The following CTC1 variants were observed in gnomAD, a reference collection of about 807,000 sequenced individuals.
CTC1 encodes CST complex subunit CTC1.
CTC1 carries 91 observed loss-of-function variants against 136.3 expected under a neutral mutation model. That is an observed-to-expected ratio of 0.67 (90% confidence interval 0.56 to 0.79). The LOEUF (loss-of-function observed/expected upper bound fraction) is 0.79. Ranked by LOEUF, CTC1 falls within the 30% of genes least tolerant of loss-of-function variation. The pLI, the probability that CTC1 is intolerant of heterozygous loss-of-function variation, is 0.00. For synonymous variants in CTC1, 606 were observed against 613.8 expected (o/e 0.99, Z 0.19); for missense variants, 1,432 against 1,498.1 (o/e 0.96, Z 0.73).
intron 2 of CTC1, among the ~76,000 whole-genome samples, chr17:8,240,725 C>G (rs1988145827): frequency 6.7e-6 from 1 of 148,668 alleles, no homozygotes; most frequent in Non-Finnish European, 1.5e-5. Context: ...ACCAAAAATA[C>G]AAAAGTAGCC....
Position 8,232,034 on chromosome 17 carries a change from C to T in CTC1, c.2254G>A (p.Ala752Thr), listed in dbSNP as rs767322639. Residue 752 changes from alanine to threonine, a missense_variant, in exon 13 of 23, where the codon GCA becomes ACA. By Grantham distance (58) the Ala-to-Thr change is moderately conservative. Coordinates refer to ENST00000651323, the MANE Select transcript of CTC1 (RefSeq NM_025099.6). ...GCGGGCTTGGGCACCTCTGGACTTGCTCCTGGGGGGACACAAAAATTACGC... is the reference window on the plus strand; with the variant it reads ...GCGGGCTTGGGCACCTCTGGACTTGTTCCTGGGGGGACACAAAAATTACGC... ...MKRNFCVPPG[A>T]SPEVPKPALS... is the part of the protein sequence containing the mutation. 3 of 1,578,902 alleles carry T rather than the reference C, an allele frequency of 1.9e-6. No homozygotes were observed. Among genetic ancestry groups the T allele is most frequent in the Non-Finnish European group, 2.6e-6 (3 of 1,167,676 alleles).
At chr17:8,246,120 C>T (rs1054066549) in intron 1 of CTC1, among the ~76,000 whole-genome samples, 2 of 148,226 alleles carry the variant, frequency 1.3e-5, no homozygotes, top group South Asian at 4.4e-4. Context: ...GTGGGAGGAT[C>T]GCTTGAGCCC....
At position 8,226,604 on chromosome 17, in the gene CTC1, A is replaced by G. The variant is rs530934469; in HGVS notation, c.*1576T>C. On this transcript the variant is annotated 3_prime_UTR_variant, in exon 23 of 23. Coordinates refer to ENST00000651323, the MANE Select transcript of CTC1 (RefSeq NM_025099.6). ...TATGGTCAGTATGCTGAAGAAAAAA[A>G]TATGACGTAGTCGGCAGGATTCGAA... The G allele has an allele frequency of 6.6e-6, 1 of 152,220 alleles. No homozygotes were observed. Among genetic ancestry groups the G allele is most frequent in the Non-Finnish European group, 1.5e-5 (1 of 68,046 alleles). 9.4% of individuals were successfully genotyped at this position (152,220 alleles called of 1,614,324 possible). A position where few individuals can be genotyped will look rare whatever the true frequency, so the allele number is the denominator to read the frequency against.
chr17:8,231,577 G>GCC lies in CTC1; in HGVS notation c.2476-109_2476-108insGG. ...TTCTTTCTGGAGCATGGAGAAGGAAGTGTGTCAACACACACAGGCTTTCTG... is the reference window on the plus strand; with the variant it reads ...TTCTTTCTGGAGCATGGAGAAGGAAGCCTGTGTCAACACACACAGGCTTTCTG... On this transcript the variant is annotated intron_variant, in intron 14 of 22. Coordinates refer to ENST00000651323, the MANE Select transcript of CTC1 (RefSeq NM_025099.6). 2.4e-6 allele frequency: 3 copies of GCC among 1,254,640 alleles called. No homozygotes were observed. In the South Asian group the frequency reaches 4.1e-5, roughly 17 times the overall value. 77.7% of individuals were successfully genotyped at this position (1,254,640 alleles called of 1,614,324 possible). A position where few individuals can be genotyped will look rare whatever the true frequency, so the allele number is the denominator to read the frequency against.
rs370564569 is a variant in CTC1, at chr17:8,228,774, G to A, written c.3340C>T (p.Pro1114Ser). The change falls in exon 21 of 23, where the codon CCA (proline) becomes TCA (serine). Residue 1114 changes from proline to serine, a missense_variant. Pro to Ser is a moderately conservative substitution (Grantham distance 74). Coordinates refer to ENST00000651323, the MANE Select transcript of CTC1 (RefSeq NM_025099.6). ...WASLLDFVQV[P>S]GRVVLQFAGP... is the part of the protein sequence containing the mutation. ...GCAAACTGCAAGACCACTCTGCCTG[G>A]CACTTGGACGAAATCTAGGAGGGAG... 45 of 1,614,128 alleles carry A rather than the reference G, an allele frequency of 2.8e-5. No individual in the cohort carries two copies. The African/African-American group carries it at 4.0e-4, about 14-fold the overall frequency.
rs1986867197 is a variant in CTC1, at chr17:8,228,050, TTA to T, written c.*128_*129del. 3.2e-6 allele frequency: 3 copies of T among 938,784 alleles called. No individual in the cohort carries two copies. Among genetic ancestry groups the T allele is most frequent in the Non-Finnish European group, 4.8e-6 (3 of 625,612 alleles). The allele number at this position is 938,784 out of a possible 1,614,324, so 58.2% of individuals were successfully genotyped here. On this transcript the variant is annotated 3_prime_UTR_variant, in exon 23 of 23. Transcript: ENST00000651323. ...GCACCAGAACACCAAAGAAGGGAAATTATAGTGGAGTAGCAGTTTGTGAATCT... is the reference window on the plus strand; with the variant it reads ...GCACCAGAACACCAAAGAAGGGAAATTAGTGGAGTAGCAGTTTGTGAATCT...
Position 8,227,982 on chromosome 17 carries a change from G to A in CTC1, c.*198C>T. The stretch of plus-strand genomic sequence containing the variant: ...GTCCCAATCAGAGGACATATTAATA[G>A]GGCCATGATTTCCTGTTGCCACAAT... On this transcript the variant is annotated 3_prime_UTR_variant, in exon 23 of 23. Coordinates refer to ENST00000651323, the MANE Select transcript of CTC1 (RefSeq NM_025099.6). 1 of 565,300 alleles carries A rather than the reference G, an allele frequency of 1.8e-6. No individual in the cohort carries two copies. The highest frequency in any genetic ancestry group is 3.1e-6 in the Non-Finnish European group (1 of 317,936). The allele number at this position is 565,300 out of a possible 1,614,324, so 35.0% of individuals were successfully genotyped here. A position where few individuals can be genotyped will look rare whatever the true frequency, so the allele number is the denominator to read the frequency against.
Position 8,238,536 on chromosome 17 carries a change from T to C in CTC1, c.291A>G (p.Gln97=). The C allele has an allele frequency of 6.2e-7, 1 of 1,614,170 alleles. No homozygotes were observed. The highest frequency in any genetic ancestry group is 1.1e-5 in the South Asian group (1 of 91,082). Residue 97 remains glutamine (Q), a synonymous_variant, in exon 3 of 23, where the codon CAA becomes CAG. Coordinates refer to ENST00000651323, the MANE Select transcript of CTC1 (RefSeq NM_025099.6). ...WSSSAYQAWA[Q]EAGPNGNPLP... ...GGGGGTTCCCATTTGGTCCAGCCTCTTGGGCCCAGGCCTGGTATGCACTAC... is the reference window on the plus strand; with the variant it reads ...GGGGGTTCCCATTTGGTCCAGCCTCCTGGGCCCAGGCCTGGTATGCACTAC...
rs770232751 is a variant in CTC1, at chr17:8,234,451, T to C, written c.1818+4A>G. The C allele has an allele frequency of 1.9e-6, 3 of 1,551,452 alleles. No individual in the cohort carries two copies. The highest frequency in any genetic ancestry group is 2.0e-5 in the Admixed American group (1 of 50,990). On this transcript the variant is annotated splice_donor_region_variant and intron_variant, in intron 10 of 22. Transcript: ENST00000651323. ...CACCTGAGCCCTGCTAGGGTCCCCC[T>C]TACCTGGGCTGGGCAGAAGGCAGAG...
Position 8,236,148 on chromosome 17 carries a change from A to G in CTC1, c.987T>C (p.Ala329=). The stretch of plus-strand genomic sequence containing the variant: ...TGGGCATGGGGAGTGGCTTGGGGTC[A>G]GCCTCTAAGAGGGGTCCTTCCAGCT... ...ELELEGPLLE[A]DPKPLPMPSN... is the part of the protein sequence containing the mutation. The change falls in exon 6 of 23, where the codon GCT becomes GCC. Residue 329 remains alanine (A), a synonymous_variant. Coordinates refer to ENST00000651323, the MANE Select transcript of CTC1 (RefSeq NM_025099.6). 6 of 1,614,226 alleles carry G rather than the reference A, an allele frequency of 3.7e-6. No homozygotes were observed. The highest frequency in any genetic ancestry group is 5.1e-6 in the Non-Finnish European group (6 of 1,180,040).
In CTC1 at chr17:8,228,305, G is replaced by A. The variant is rs1349506921; in HGVS notation, c.3529C>T (p.Gln1177Ter). 4 of 1,614,118 alleles carry A rather than the reference G, an allele frequency of 2.5e-6. No homozygotes were observed. The highest frequency in any genetic ancestry group is 1.1e-5 in the South Asian group (1 of 91,082). The part of the protein sequence containing the change: ...KIVPLEPPRL[Q>*]RFQCGELPFL... The stretch of plus-strand genomic sequence containing the variant: ...GGGAGCTCTCCACACTGGAATCGCT[G>A]TAGCCGAGGAGGTTCTGAGGTGGGA... Residue 1177 changes from glutamine to a stop codon, truncating the protein, a stop_gained, in exon 23 of 23, where the codon CAG becomes TAG. Coordinates refer to ENST00000651323, the MANE Select transcript of CTC1 (RefSeq NM_025099.6). LOFTEE classifies it low-confidence loss of function (END_TRUNC).
intron 1 of CTC1, among the ~76,000 whole-genome samples, chr17:8,245,382 G>A (rs1011907469): frequency 1.3e-5 from 2 of 152,122 alleles, no homozygotes; most frequent in African/African-American, 2.4e-5. Context: ...GCCCACTTCA[G>A]CCACACACTC....
Position 8,226,661 on chromosome 17 carries a change from T to C in CTC1, c.*1519A>G, listed in dbSNP as rs1233003363. 3 of 152,202 alleles carry C rather than the reference T, an allele frequency of 2.0e-5. No individual in the cohort carries two copies. Among genetic ancestry groups the C allele is most frequent in the Non-Finnish European group, 4.4e-5 (3 of 68,032 alleles). 9.4% of individuals were successfully genotyped at this position (152,202 alleles called of 1,614,324 possible). ...CGGGGAGACCCCAATGGATTTCTAGTCCATCGCCTTAACCACTCGGCCACG... is the reference window on the plus strand; with the variant it reads ...CGGGGAGACCCCAATGGATTTCTAGCCCATCGCCTTAACCACTCGGCCACG... On this transcript the variant is annotated 3_prime_UTR_variant, in exon 23 of 23. Transcript: ENST00000651323.
chr17:8,238,338 T>C, intron 3 of CTC1, 54 bp downstream of exon 3: 1 of 1,576,582 alleles, frequency 6.3e-7, no homozygotes, highest in African/African-American at 1.3e-5. Context: ...GCCTTGATCC[T>C]TGGACACCAT....
rs540304901 is a variant in CTC1, at chr17:8,226,989, A to C, written c.*1191T>G. The C allele has an allele frequency of 2.4e-4, 36 of 152,594 alleles. No homozygotes were observed. Among genetic ancestry groups the C allele is most frequent in the Admixed American group, 6.5e-4 (10 of 15,288 alleles). 9.5% of individuals were successfully genotyped at this position (152,594 alleles called of 1,614,324 possible). ...AAACACACACAAAAAAAAGCCACCC[A>C]CTGGCCCGTACGGGGTTCGAACCCG... is the stretch of plus-strand genomic sequence containing the variant. On this transcript the variant is annotated 3_prime_UTR_variant, in exon 23 of 23. Coordinates refer to ENST00000651323, the MANE Select transcript of CTC1 (RefSeq NM_025099.6).
At position 8,234,869 on chromosome 17, in the gene CTC1, G is replaced by T; in HGVS notation, c.1497C>A (p.Ser499Arg). The T allele has an allele frequency of 6.2e-7, 1 of 1,612,622 alleles. No homozygotes were observed. The highest frequency in any genetic ancestry group is 1.1e-5 in the South Asian group (1 of 90,820). The stretch of plus-strand genomic sequence containing the variant: ...CCAGGAGTTGCAGTCCCAGGCTGGG[G>T]CTCCCAGGAGAGGAATGTTGCAGGA... ...HQFLQHSSPG[S>R]PSLGLQLLAP... Residue 499 changes from serine (S) to arginine (R), a missense_variant, in exon 9 of 23, where the codon AGC becomes AGA. Coordinates refer to ENST00000651323, the MANE Select transcript of CTC1 (RefSeq NM_025099.6).
rs3833174 is a variant in CTC1 at position 8,232,326 on chromosome 17, C to CA, written c.2060+34dup. On this transcript the variant is annotated intron_variant, in intron 12 of 22. Coordinates refer to ENST00000651323, the MANE Select transcript of CTC1 (RefSeq NM_025099.6). ...CTTCCACCAGGCCCTTCCTTCCCCCCAGACTCAAGACAACCATGACCCCAA... is the reference window on the plus strand; with the variant it reads ...CTTCCACCAGGCCCTTCCTTCCCCCCAAGACTCAAGACAACCATGACCCCAA... The CA allele has an allele frequency of 1.2e-4, 190 of 1,600,314 alleles. 3 individuals carry two copies. In the East Asian group the frequency reaches 4.1e-3, roughly 35 times the overall value.
At position 8,237,482 on chromosome 17, in the gene CTC1, T is replaced by C; in HGVS notation, c.685A>G (p.Ser229Gly). The change falls in exon 5 of 23, where the codon AGT becomes GGT. Residue 229 changes from serine (S) to glycine (G), a missense_variant. Coordinates refer to ENST00000651323, the MANE Select transcript of CTC1 (RefSeq NM_025099.6). ...ACCAGAGCACTCAATCGAACTAGAC[T>C]CCCAGCCAGGTTTCGCTGCACACCT... ...LRGVQRNLAG[S>G]LVRLSALVKS... 4 of 1,613,632 alleles carry C rather than the reference T, an allele frequency of 2.5e-6. No individual in the cohort carries two copies. Among genetic ancestry groups the C allele is most frequent in the Non-Finnish European group, 3.4e-6 (4 of 1,179,904 alleles).
At chr17:8,242,284 T>C (rs544509322) in intron 2 of CTC1, among the ~76,000 whole-genome samples, 15 of 151,932 alleles carry the variant, frequency 9.9e-5, no homozygotes, top group African/African-American at 3.4e-4. Flanking sequence ...CCACCTGCCT[T>C]AGCCTCCCAA....
Sources: gnomAD v4.1 joint callset for allele counts (sites outside exome capture counted in the v4.1 genomes callset) on GRCh38, gnomAD v4.1.1 for gene constraint, MANE v1.5 for transcripts, NCBI Gene and HGNC (gene_info 2026-07-23, HGNC 2026-07-21) for gene names.